KCNN2: variants seen among roughly 807,000 people sequenced by gnomAD.
The protein encoded by KCNN2 is small conductance calcium-activated potassium channel protein 2.
KCNN2 carries 24 observed loss-of-function variants against 55.5 expected under a neutral mutation model. The observed-to-expected ratio is 0.43, with a 90% CI of 0.31 to 0.61. KCNN2 has a LOEUF of 0.61. KCNN2 is among the 20% of genes least tolerant of loss of function. The probability of loss-of-function intolerance (pLI) is 0.08; values close to 1 mark genes in which losing one functional copy is unlikely to be tolerated. For missense variants in KCNN2, 754 were observed against 853.6 expected, an observed-to-expected ratio of 0.88 and a Z score of 1.45; for synonymous variants, 431 against 336.1, an observed-to-expected ratio of 1.28 and a Z score of -3.09.
rs769987527 is a variant in KCNN2 at position 114,272,333 on chromosome 5, TAC to T, written c.-185+50774_-185+50775del. Among the ~76,000 whole-genome samples the T allele has an allele frequency of 9.6e-4, 117 of 122,194 alleles. 3 individuals are homozygous for T. Among genetic ancestry groups the T allele is most frequent in the Non-Finnish European group, 1.3e-3 (78 of 60,228 alleles). The allele number at this position is 122,194 out of a possible 152,430, so 80.2% of individuals were successfully genotyped here. On this transcript the variant is annotated intron_variant, in intron 2 of 10. Coordinates refer to the KCNN2 transcript ENST00000512097. Reference sequence around the variant, plus strand: ...ACACACACATATATGTATGTACATATACACACATATATGTATGTACATACCAT... The same window carrying T: ...ACACACACATATATGTATGTACATATACACATATATGTATGTACATACCAT...
intron 1 of KCNN2, among the ~76,000 whole-genome samples, chr5:114,157,251 C>G (rs894263591): frequency 6.7e-6 from 1 of 150,004 alleles, no homozygotes; most frequent in South Asian, 2.1e-4. Context: ...TGAGAACATG[C>G]GGTGTTTGGC....
chr5:114,258,718 A>G (rs115983130), intron 2 of KCNN2, among the ~76,000 whole-genome samples: 8,275 of 152,172 alleles, frequency 0.054, 362 homozygotes, highest in Non-Finnish European at 0.085. Context: ...TGCTTGGGAC[A>G]CTCACATTGG....
chr5:114,058,084 G>A (rs2632151), intron 1 of KCNN2, among the ~76,000 whole-genome samples: 58,789 of 151,992 alleles, frequency 0.39, 12,148 homozygotes, highest in East Asian at 0.63. Flanking sequence ...TTACATGTTC[G>A]ACAGAAGACA....
intron 2 of KCNN2, among the ~76,000 whole-genome samples, chr5:114,312,200 T>A (rs1043242270): frequency 6.6e-6 from 1 of 151,766 alleles, no homozygotes; most frequent in East Asian, 1.9e-4. Context: ...TCTTCTTGCT[T>A]CTTGGCGTGA....
intron 1 of KCNN2, among the ~76,000 whole-genome samples, chr5:114,128,175 A>ATT (rs1383793937): frequency 6.6e-6 from 1 of 152,120 alleles, no homozygotes; most frequent in Non-Finnish European, 1.5e-5. Flanking sequence ...TTACTGTATT[A>ATT]TTCTGTTCTA....
At chr5:114,319,975 A>G (rs1756581998) in intron 2 of KCNN2, among the ~76,000 whole-genome samples, 1 of 152,192 alleles carries the variant, frequency 6.6e-6, no homozygotes, top group African/African-American at 2.4e-5. Flanking sequence ...TTCTATTTTC[A>G]GTTGTCTGTT....
At chr5:114,145,182 G>A (rs911998276) in intron 1 of KCNN2, among the ~76,000 whole-genome samples, 3 of 152,196 alleles carry the variant, frequency 2.0e-5, no homozygotes, top group Non-Finnish European at 2.9e-5. Context: ...TAATAGGGGA[G>A]GGTTGTCACT....
intron 2 of KCNN2, among the ~76,000 whole-genome samples, chr5:114,377,400 A>G (rs527812723): frequency 1.2e-4 from 18 of 152,314 alleles, no homozygotes; most frequent in African/African-American, 3.4e-4. Flanking sequence ...AAATAAGCAT[A>G]AGCGTAACAT....
At chr5:114,301,830 G>A (rs1215295027) in intron 2 of KCNN2, among the ~76,000 whole-genome samples, 1 of 152,122 alleles carries the variant, frequency 6.6e-6, no homozygotes, top group Non-Finnish European at 1.5e-5. Flanking sequence ...AACTACATTT[G>A]CTTATTTGAC....
intron 1 of KCNN2, among the ~76,000 whole-genome samples, chr5:114,072,063 TG>T (rs1750580727): frequency 6.6e-6 from 1 of 152,122 alleles, no homozygotes; most frequent in South Asian, 2.1e-4. Context: ...GAGGCCAAGG[TG>T]GGTGGATCAC....
intron 5 of KCNN2, among the ~76,000 whole-genome samples, chr5:114,477,267 T>C (rs554958566): frequency 6.6e-6 from 1 of 152,278 alleles, no homozygotes. Context: ...CAGGAACAGA[T>C]GTAACATTCC....
intron 1 of KCNN2, among the ~76,000 whole-genome samples, chr5:114,164,116 A>C (rs1241892921): frequency 6.6e-6 from 1 of 152,228 alleles, no homozygotes; most frequent in African/African-American, 2.4e-5. Flanking sequence ...AAAAGTATTC[A>C]AAAAGTATTA....
chr5:114,305,065 A>C (rs1293132654), intron 2 of KCNN2, among the ~76,000 whole-genome samples: 3 of 152,184 alleles, frequency 2.0e-5, no homozygotes, highest in Non-Finnish European at 4.4e-5. Flanking sequence ...GGGAAAGTTT[A>C]ATATTAGAAA....
At chr5:114,126,167 A>G (rs914364909) in intron 1 of KCNN2, among the ~76,000 whole-genome samples, 2 of 152,116 alleles carry the variant, frequency 1.3e-5, no homozygotes, top group Non-Finnish European at 2.9e-5. Flanking sequence ...GACACCAGTG[A>G]TACTGGATTA....
intron 2 of KCNN2, among the ~76,000 whole-genome samples, chr5:114,326,612 G>A (rs570882598): frequency 2.6e-5 from 4 of 152,098 alleles, no homozygotes; most frequent in Non-Finnish European, 4.4e-5. Flanking sequence ...CCACACCATG[G>A]TTAGAATTTC....
chr5:114,421,896 C>T (rs545063421), intron 3 of KCNN2, among the ~76,000 whole-genome samples: 37 of 152,296 alleles, frequency 2.4e-4, no homozygotes, highest in African/African-American at 8.2e-4. Flanking sequence ...TGATTACAGG[C>T]GTGAGCCACC....
exon 1 of KCNN2, chr5:114,056,457 A>T (rs939021889): frequency 5.0e-6 from 2 of 398,506 alleles, no homozygotes; most frequent in African/African-American, 2.1e-5. Flanking sequence ...CTTTGAGGCA[A>T]ATTTGAGCTT....
At chr5:114,206,913 G>C (rs1215723383) in intron 1 of KCNN2, among the ~76,000 whole-genome samples, 1 of 152,136 alleles carries the variant, frequency 6.6e-6, no homozygotes, top group African/African-American at 2.4e-5. Flanking sequence ...CGATTGACTA[G>C]CCTGCAAAAT....
At chr5:114,492,783 C>T (rs1397156524) in intron 6 of KCNN2, among the ~76,000 whole-genome samples, 1 of 151,880 alleles carries the variant, frequency 6.6e-6, no homozygotes, top group African/African-American at 2.4e-5. Context: ...TCTGGCCTCC[C>T]TACAAATTTA....
Sources: gnomAD v4.1 joint callset for allele counts (sites outside exome capture counted in the v4.1 genomes callset) on GRCh38, gnomAD v4.1.1 for gene constraint, MANE v1.5 for transcripts, NCBI Gene and HGNC (gene_info 2026-07-23, HGNC 2026-07-21) for gene names.